The following VPS53 variants were observed in gnomAD, a reference collection of about 807,000 sequenced individuals.
The protein encoded by VPS53 is vacuolar protein sorting-associated protein 53 homolog.
In VPS53, 70 loss-of-function variants were observed where a neutral mutation model predicts 107.0. The observed-to-expected ratio is 0.65, with a 90% CI of 0.54 to 0.80. The LOEUF (loss-of-function observed/expected upper bound fraction) is 0.80, where lower values mean the gene tolerates loss of function less well. Among genes scored for constraint, VPS53 ranks in the 30% least tolerant of loss-of-function variants. The pLI is 0.00. For synonymous variants in VPS53, 409 were observed against 393.3 expected, an observed-to-expected ratio of 1.04 and a Z score of -0.47; for missense variants, 917 against 1,049.4, an observed-to-expected ratio of 0.87 and a Z score of 1.74.
intron 6 of VPS53, 39 bp from the exon 7 acceptor site, chr17:653,449 C>G (rs1408742471): frequency 6.2e-7 from 1 of 1,613,232 alleles, no homozygotes; most frequent in African/African-American, 1.3e-5. Context: ...TAGAAAAACA[C>G]TAAAGACGCA....
intron 19 of VPS53, chr17:531,945 G>GT (rs145507855): frequency 0.067 from 5,224 of 78,402 alleles, 765 homozygotes; most frequent in African/African-American, 0.23. Flanking sequence ...CTGGCTAATT[G>GT]TTTTTTTTTT....
intron 2 of VPS53, among the ~76,000 whole-genome samples, chr17:703,146 T>C (rs1597507546): frequency 1.3e-5 from 2 of 150,264 alleles, no homozygotes; most frequent in African/African-American, 4.9e-5. Flanking sequence ...GAGGCAGAGG[T>C]TGCAGCGAGC....
At chr17:616,648 G>A (rs1354102911) in intron 11 of VPS53, 3 of 152,370 alleles carry the variant, frequency 2.0e-5, no homozygotes, top group African/African-American at 4.8e-5. Context: ...CCCCAGCCCA[G>A]TCCTCCCGGG....
chr17:654,037 T>C (rs995259646), intron 6 of VPS53, among the ~76,000 whole-genome samples: 4 of 151,922 alleles, frequency 2.6e-5, no homozygotes, highest in African/African-American at 7.3e-5. Flanking sequence ...CTACTAAAAA[T>C]ACACAAAATT....
At chr17:622,729 C>CT (rs34150417) in intron 11 of VPS53, among the ~76,000 whole-genome samples, 6 of 89,896 alleles carry the variant, frequency 6.7e-5, no homozygotes, top group Middle Eastern at 6.0e-3. Flanking sequence ...TCTTTCTTTT[C>CT]TTTTTTTTTA....
intron 4 of VPS53, among the ~76,000 whole-genome samples, chr17:683,103 C>A (rs554053811): frequency 6.6e-6 from 1 of 151,980 alleles, no homozygotes; most frequent in South Asian, 2.1e-4. Flanking sequence ...TAGAAAGTAC[C>A]CAAACTGAAA....
chr17:592,565 A>G (rs1219458883), intron 12 of VPS53, among the ~76,000 whole-genome samples: 7 of 151,308 alleles, frequency 4.6e-5, no homozygotes, highest in Middle Eastern at 3.4e-3. Context: ...TTCCTTCAGG[A>G]GCTCTTTTAG....
At chr17:693,109 G>A (rs1972832468) in intron 4 of VPS53, among the ~76,000 whole-genome samples, 1 of 152,178 alleles carries the variant, frequency 6.6e-6, no homozygotes, top group African/African-American at 2.4e-5. Context: ...ACTGCAGCCT[G>A]GCTGACAGCG....
intron 11 of VPS53, 110 bp downstream of exon 11, chr17:623,423 G>C: frequency 1.5e-6 from 2 of 1,294,840 alleles, no homozygotes; most frequent in South Asian, 3.2e-5. Context: ...TCACTGCAAT[G>C]AGGGGTTAAG....
At chr17:543,817 G>A (rs7208421) in intron 17 of VPS53, among the ~76,000 whole-genome samples, 428 of 12,422 alleles carry the variant, frequency 0.034, 3 homozygotes, top group African/African-American at 0.05. Flanking sequence ...GGAAGGAAGG[G>A]AGGGAGGGAG....
chr17:660,462 G>A (rs1971394955), intron 5 of VPS53, among the ~76,000 whole-genome samples: 1 of 152,200 alleles, frequency 6.6e-6, no homozygotes, highest in African/African-American at 2.4e-5. Context: ...TAACTTGGGA[G>A]TAAACTGTCA....
intron 4 of VPS53, among the ~76,000 whole-genome samples, chr17:687,630 C>T (rs1043171078): frequency 6.6e-6 from 1 of 151,742 alleles, no homozygotes; most frequent in Non-Finnish European, 1.5e-5. Flanking sequence ...CCCAGCTACT[C>T]GGGACGCTGA....
chr17:690,814 G>A (rs1972752255), intron 4 of VPS53, among the ~76,000 whole-genome samples: 1 of 152,234 alleles, frequency 6.6e-6, no homozygotes, highest in Admixed American at 6.5e-5. Flanking sequence ...TGGAAGAACA[G>A]TGTCTAAAAT....
intron 4 of VPS53, among the ~76,000 whole-genome samples, chr17:694,382 A>C (rs1253290640): frequency 1.3e-5 from 2 of 152,208 alleles, no homozygotes; most frequent in Non-Finnish European, 2.9e-5. Context: ...GCTAGTTTGC[A>C]AGAGTCCAGA....
intron 4 of VPS53, among the ~76,000 whole-genome samples, chr17:686,106 G>A (rs1050587731): frequency 1.3e-5 from 2 of 151,918 alleles, no homozygotes; most frequent in Non-Finnish European, 2.9e-5. Flanking sequence ...ATCACCTGAA[G>A]CCAGGAGTTC....
chr17:596,246 T>C (rs1022525782), intron 12 of VPS53, among the ~76,000 whole-genome samples: 1 of 152,232 alleles, frequency 6.6e-6, no homozygotes, highest in Non-Finnish European at 1.5e-5. Context: ...AAGTGATATA[T>C]GATTTGAAAG....
intron 12 of VPS53, among the ~76,000 whole-genome samples, chr17:590,740 G>C (rs1336564569): frequency 3.4e-5 from 5 of 145,850 alleles, no homozygotes; most frequent in African/African-American, 1.2e-4. Flanking sequence ...ACTTGATCAT[G>C]GTGGATAAGC....
At chr17:709,518 G>A (rs1973557123) in intron 2 of VPS53, among the ~76,000 whole-genome samples, 1 of 152,166 alleles carries the variant, frequency 6.6e-6, no homozygotes, top group African/African-American at 2.4e-5. Context: ...ACTGGTCTTT[G>A]TTTCCTTACC....
At chr17:697,372 G>A in intron 4 of VPS53, 46 bp downstream of exon 4, 1 of 1,521,338 alleles carries the variant, frequency 6.6e-7, no homozygotes, top group Non-Finnish European at 9.1e-7. Flanking sequence ...TGGTTGCCGG[G>A]AGAAACCAGG....
Sources: gnomAD v4.1 joint callset for allele counts (sites outside exome capture counted in the v4.1 genomes callset) on GRCh38, gnomAD v4.1.1 for gene constraint, MANE v1.5 for transcripts, NCBI Gene and HGNC (gene_info 2026-07-23, HGNC 2026-07-21) for gene names.